Variants in CDH26 observed in about 807,000 individuals in gnomAD.
The protein encoded by CDH26 is cadherin-like protein 26.
Under a neutral mutation model 90.3 loss-of-function variants are expected in CDH26, and 83 were observed. The observed-to-expected ratio is 0.92, with a 90% CI of 0.77 to 1.10. CDH26 has a LOEUF of 1.10. Among genes scored for constraint, CDH26 ranks in the 50% least tolerant of loss-of-function variants. The pLI, the probability that CDH26 is intolerant of heterozygous loss-of-function variation, is 0.00. For synonymous variants in CDH26, 397 were observed against 396.3 expected (o/e 1.00, Z -0.02); for missense variants, 1,013 against 1,037.6 (o/e 0.98, Z 0.33).
rs1291011095 is a variant in CDH26 at position 59,992,818 on chromosome 20, C to G, written c.1426+298C>G. On this transcript the variant is annotated intron_variant, in intron 10 of 17. Coordinates refer to ENST00000348616, the MANE Select transcript of CDH26 (RefSeq NM_177980.4). This position sits in a 1 kb window ranked among gnomAD's most constrained non-coding sequence, Gnocchi z 5.0. Reference sequence around the variant, plus strand: ...ATGAGCTAACTCTTTAGCTCTTTGTCAAAGCCAATGATGTGTGATAAATAT... The same window carrying G: ...ATGAGCTAACTCTTTAGCTCTTTGTGAAAGCCAATGATGTGTGATAAATAT... Among the ~76,000 whole-genome samples the G allele has an allele frequency of 1.3e-5, 2 of 152,112 alleles. No homozygotes were observed. The highest frequency in any genetic ancestry group is 2.9e-5 in the Non-Finnish European group (2 of 68,022).
chr20:60,033,207 G>A (rs1400798493), intron 8 of CDH26, among the ~76,000 whole-genome samples: 2 of 152,152 alleles, frequency 1.3e-5, no homozygotes, highest in Non-Finnish European at 2.9e-5. Flanking sequence ...TCGGTAAAAT[G>A]GGGAAAATAG....
At chr20:60,007,112 A>G (rs143453108) in intron 17 of CDH26, among the ~76,000 whole-genome samples, 2 of 152,220 alleles carry the variant, frequency 1.3e-5, no homozygotes, top group East Asian at 1.9e-4. Context: ...ATCTCTTCTT[A>G]TTAGGGAACT....
chr20:60,033,804 T>TGTGTGTGA, exon 9 of CDH26: 4 of 1,142,738 alleles, frequency 3.5e-6, no homozygotes, highest in African/African-American at 3.3e-5. Flanking sequence ...TGTGTGTGTG[T>TGTGTGTGA]GATCATGAAG....
intron 4 of CDH26, among the ~76,000 whole-genome samples, chr20:59,980,390 G>T (rs1179088905): frequency 6.6e-6 from 1 of 152,008 alleles, no homozygotes; most frequent in Admixed American, 6.5e-5. Flanking sequence ...CACCTTCTGG[G>T]TGCAAGCAAT....
intron 4 of CDH26, among the ~76,000 whole-genome samples, chr20:59,982,211 C>T (rs6027220): frequency 0.24 from 36,678 of 152,056 alleles, 5,873 homozygotes; most frequent in East Asian, 0.47. Context: ...TTCAAAGAAT[C>T]GCTTTTGGTT....
At chr20:60,001,523 A>C in intron 15 of CDH26, 112 bp downstream of exon 15, 1 of 1,467,992 alleles carries the variant, frequency 6.8e-7, no homozygotes, top group Non-Finnish European at 9.0e-7. Context: ...AGAAAAAGGC[A>C]CATAGTCAAT....
intron 12 of CDH26, 49 bp from the exon 13 acceptor site, chr20:59,996,582 G>C: frequency 6.2e-7 from 1 of 1,614,216 alleles, no homozygotes; most frequent in East Asian, 2.2e-5. Context: ...TGAAACCTCT[G>C]ATATGGGTGA....
chr20:59,961,554 T>A (rs1173330775), intron 1 of CDH26, among the ~76,000 whole-genome samples: 1 of 152,202 alleles, frequency 6.6e-6, no homozygotes, highest in Non-Finnish European at 1.5e-5. Flanking sequence ...ATTGGCTTAT[T>A]GCCATCTGTG....
At chr20:59,983,676 A>G (rs1466985646) in intron 5 of CDH26, among the ~76,000 whole-genome samples, 1 of 152,226 alleles carries the variant, frequency 6.6e-6, no homozygotes, top group Non-Finnish European at 1.5e-5. Context: ...TTAAAATTAT[A>G]TATGTGTATG....
At chr20:59,971,924 T>A (rs1569028141) in intron 3 of CDH26, 38 bp from the exon 4 acceptor site, 1 of 1,562,016 alleles carries the variant, frequency 6.4e-7, no homozygotes, top group Non-Finnish European at 8.8e-7. Flanking sequence ...CTTATTCTCA[T>A]CCTCCTTTTT....
Position 60,030,960 on chromosome 20 carries a change from G to A in CDH26, c.948-271G>A, listed in dbSNP as rs1023560713. On this transcript the variant is annotated intron_variant, in intron 7 of 8. Coordinates refer to the CDH26 transcript ENST00000370991. The surrounding 1 kb of genome is among the most constrained non-coding windows in gnomAD (Gnocchi z 4.0). ...AAGTGAAAGCAAGTTTATTAAGAAG[G>A]TAAAGGAATAAAAGAATGGCTACTC... Among the ~76,000 whole-genome samples the A allele has an allele frequency of 6.6e-6, 1 of 152,214 alleles. No homozygotes were observed. Among genetic ancestry groups the A allele is most frequent in the Admixed American group, 6.5e-5 (1 of 15,288 alleles).
rs1264929604 is a variant in CDH26, at chr20:60,012,700, A to C, written c.2469A>C (p.Glu823Asp). The change falls in exon 18 of 18, where the codon GAA becomes GAC. Residue 823 changes from glutamate to aspartate, a missense_variant. By Grantham distance (45) the Glu-to-Asp change is conservative. Coordinates refer to ENST00000348616, the MANE Select transcript of CDH26 (RefSeq NM_177980.4). ...SLGSKATPFEEIYSESGVPS is the reference protein window; with the variant it reads ...SLGSKATPFEDIYSESGVPS ...GTTCAAAAGCGACTCCGTTTGAGGAAATATATTCAGAGTCAGGTGTTCCTT... is the reference window on the plus strand; with the variant it reads ...GTTCAAAAGCGACTCCGTTTGAGGACATATATTCAGAGTCAGGTGTTCCTT... 1 of 1,614,090 alleles carries C rather than the reference A, an allele frequency of 6.2e-7. No individual in the cohort carries two copies.
chr20:60,017,211 C>T (rs2061912588), downstream of CDH26, among the ~76,000 whole-genome samples: 1 of 151,914 alleles, frequency 6.6e-6, no homozygotes, highest in South Asian at 2.1e-4. Context: ...TAAAGTTTGG[C>T]AGAATTCAGT....
intron 1 of CDH26, among the ~76,000 whole-genome samples, chr20:59,962,518 A>G (rs1324267826): frequency 6.6e-6 from 1 of 152,122 alleles, no homozygotes; most frequent in Non-Finnish European, 1.5e-5. Context: ...GTGTTTTCCT[A>G]TCGAGACACT....
chr20:60,017,369 T>C (rs530443074), downstream of CDH26, among the ~76,000 whole-genome samples: 1 of 152,182 alleles, frequency 6.6e-6, no homozygotes, highest in Non-Finnish European at 1.5e-5. Flanking sequence ...ATTTATCCAT[T>C]GCCTCTAGGT....
At chr20:60,000,520 T>G (rs2061662300) in intron 14 of CDH26, among the ~76,000 whole-genome samples, 2 of 152,236 alleles carry the variant, frequency 1.3e-5, no homozygotes, top group Admixed American at 1.3e-4. Context: ...GAGAGCCTTC[T>G]CTTTCCTTCC....
At chr20:59,978,944 T>C (rs542670442) in intron 4 of CDH26, among the ~76,000 whole-genome samples, 4 of 152,192 alleles carry the variant, frequency 2.6e-5, no homozygotes, top group Non-Finnish European at 1.5e-5. Context: ...AAAATTTATT[T>C]TCAAAACTTG....
At chr20:60,002,313 G>A (rs967737989) in intron 15 of CDH26, among the ~76,000 whole-genome samples, 9 of 151,920 alleles carry the variant, frequency 5.9e-5, no homozygotes, top group African/African-American at 1.9e-4. Flanking sequence ...CCATGTCCTT[G>A]CAGCTGATCC....
intron 16 of CDH26, among the ~76,000 whole-genome samples, chr20:60,006,365 G>A (rs575312973): frequency 6.6e-6 from 1 of 152,322 alleles, no homozygotes; most frequent in South Asian, 2.1e-4. Flanking sequence ...CAGAGGAAGA[G>A]AAGCCAAAAT....
Sources: allele counts gnomAD v4.1 joint callset (sites outside exome capture counted in the v4.1 genomes callset), GRCh38; gene constraint gnomAD v4.1.1; non-coding constraint Gnocchi (gnomAD v3.1); transcripts MANE v1.5; gene names NCBI Gene and HGNC (gene_info 2026-07-23, HGNC 2026-07-21).